TFEC: variants seen among roughly 807,000 people sequenced by gnomAD.
TFEC encodes transcription factor EC, also known as class E basic helix-loop-helix protein 34.
A neutral mutation model predicts 41.6 loss-of-function variants in TFEC; 31 were observed. That is an observed-to-expected ratio of 0.74 (90% confidence interval 0.56 to 1.01). TFEC has a LOEUF of 1.01. Ranked by LOEUF, TFEC falls within the 50% of genes least tolerant of loss-of-function variation. The pLI is 0.00. For synonymous variants in TFEC, 143 were observed against 140.6 expected, an observed-to-expected ratio of 1.02 and a Z score of -0.12; for missense variants, 402 against 404.1, an observed-to-expected ratio of 0.99 and a Z score of 0.04.
At chr7:116,148,719 G>A (rs1798693875) in intron 1 of TFEC, among the ~76,000 whole-genome samples, 1 of 152,170 alleles carries the variant, frequency 6.6e-6, no homozygotes, top group Non-Finnish European at 1.5e-5. Context: ...CTTCGGGAAT[G>A]TTGAGTTTGA....
chr7:116,077,095 A>G (rs746282863), intron 3 of TFEC, among the ~76,000 whole-genome samples: 18 of 152,226 alleles, frequency 1.2e-4, no homozygotes, highest in Admixed American at 1.1e-3. Context: ...AAACTCTACA[A>G]ACTAGAAGGG....
chr7:116,014,115 T>C (rs1010436605), intron 1 of TFEC, among the ~76,000 whole-genome samples: 1 of 152,122 alleles, frequency 6.6e-6, no homozygotes, highest in Non-Finnish European at 1.5e-5. Context: ...GTTATCTTAA[T>C]GTTTGATTTC....
At chr7:115,998,798 T>C (rs1794469773) in intron 1 of TFEC, among the ~76,000 whole-genome samples, 1 of 151,962 alleles carries the variant, frequency 6.6e-6, no homozygotes, top group African/African-American at 2.4e-5. Context: ...TAAATATATA[T>C]GTGCCCCAAA....
intron 1 of TFEC, among the ~76,000 whole-genome samples, chr7:116,139,501 TTTA>T (rs1186786911): frequency 1.8e-4 from 28 of 152,224 alleles, no homozygotes; most frequent in Admixed American, 5.9e-4. Flanking sequence ...ACACTAGAAT[TTTA>T]TTGTTATTAT....
At chr7:116,034,487 T>A (rs750725728), upstream of TFEC, among the ~76,000 whole-genome samples, 2 of 151,966 alleles carry the variant, frequency 1.3e-5, no homozygotes, top group Admixed American at 6.6e-5. Context: ...TCTCTTTCTC[T>A]ATACCCTTCA....
Position 115,954,608 on chromosome 7 carries a change from T to C in TFEC, c.417A>G (p.Gln139=). 6.2e-7 allele frequency: 1 copy of C among 1,611,932 alleles called. No homozygotes were observed. Among genetic ancestry groups the C allele is most frequent in the Non-Finnish European group, 8.5e-7 (1 of 1,178,976 alleles). Residue 139 remains glutamine, a synonymous_variant, in exon 5 of 8, where the codon CAA becomes CAG. Coordinates refer to ENST00000265440, the MANE Select transcript of TFEC (RefSeq NM_012252.4). ...TDTRALAKER[Q]KKDNHNLIER... ...CACTGAGGTTGTGGTTGTCCTTTTT[T>C]TGTCTCTCTTTTGCTAAAGCTCTAG...
rs1304630319 is a variant in TFEC, at chr7:115,936,460, C to T, written c.*4091G>A. On this transcript the variant is annotated 3_prime_UTR_variant, in exon 8 of 8. Coordinates refer to ENST00000265440, the MANE Select transcript of TFEC (RefSeq NM_012252.4). ...ATAATTAATTGATTCCAGTTTTATTCCACATCTTACACATCAGACGGTCAG... is the reference window on the plus strand; with the variant it reads ...ATAATTAATTGATTCCAGTTTTATTTCACATCTTACACATCAGACGGTCAG... 6.6e-6 allele frequency: 1 copy of T among 151,570 alleles called. No homozygotes were observed. The highest frequency in any genetic ancestry group is 1.5e-5 in the Non-Finnish European group (1 of 67,600). 9.4% of individuals were successfully genotyped at this position (151,570 alleles called of 1,614,324 possible).
At chr7:115,980,099 A>T (rs1793560166) in intron 2 of TFEC, among the ~76,000 whole-genome samples, 2 of 152,184 alleles carry the variant, frequency 1.3e-5, no homozygotes, top group Non-Finnish European at 2.9e-5. Flanking sequence ...AATGTTTTTG[A>T]TGAAACAATA....
At chr7:116,056,823 C>T (rs1270544933) in intron 3 of TFEC, among the ~76,000 whole-genome samples, 1 of 151,836 alleles carries the variant, frequency 6.6e-6, no homozygotes, top group Non-Finnish European at 1.5e-5. Flanking sequence ...TACAAAGAAA[C>T]AGGAAAATAT....
intron 3 of TFEC, among the ~76,000 whole-genome samples, chr7:116,097,075 C>T (rs375863427): frequency 4.8e-5 from 7 of 146,234 alleles, no homozygotes; most frequent in East Asian, 2.0e-4. Flanking sequence ...GGCGACAGAG[C>T]GACACTCTGT....
intron 1 of TFEC, among the ~76,000 whole-genome samples, chr7:115,999,656 A>G (rs1375736844): frequency 6.6e-6 from 1 of 151,962 alleles, no homozygotes; most frequent in Non-Finnish European, 1.5e-5. Context: ...TACAACTGAT[A>G]TCACAGACAT....
chr7:116,004,183 C>T (rs1183937080), intron 1 of TFEC, among the ~76,000 whole-genome samples: 1 of 151,840 alleles, frequency 6.6e-6, no homozygotes, highest in Non-Finnish European at 1.5e-5. Flanking sequence ...GTTAACTAAA[C>T]CTAAATATGA....
At chr7:116,097,924 A>G (rs551459646) in intron 3 of TFEC, among the ~76,000 whole-genome samples, 25 of 152,340 alleles carry the variant, frequency 1.6e-4, no homozygotes, top group African/African-American at 5.8e-4. Flanking sequence ...CAGAAAAGGG[A>G]AATCAAAGAA....
At chr7:116,041,216 A>G (rs1796030172) in intron 3 of TFEC, among the ~76,000 whole-genome samples, 1 of 152,088 alleles carries the variant, frequency 6.6e-6, no homozygotes, top group Admixed American at 6.6e-5. Context: ...ATTTATATGT[A>G]TTGCATTTCC....
intron 1 of TFEC, among the ~76,000 whole-genome samples, chr7:116,127,691 CAA>C (rs72053152): frequency 0.14 from 14,551 of 104,900 alleles, 728 homozygotes; most frequent in African/African-American, 0.18. Context: ...GAGTCAGTGT[CAA>C]AAAAAAAAAA....
intron 2 of TFEC, among the ~76,000 whole-genome samples, chr7:115,977,001 A>G (rs1419707994): frequency 1.3e-5 from 2 of 152,084 alleles, no homozygotes; most frequent in Non-Finnish European, 2.9e-5. Flanking sequence ...TAACACTACT[A>G]TCCCTCATTT....
At chr7:116,143,349 T>C (rs1429609139) in intron 1 of TFEC, among the ~76,000 whole-genome samples, 1 of 152,156 alleles carries the variant, frequency 6.6e-6, no homozygotes, top group African/African-American at 2.4e-5. Context: ...GAGATCTTTT[T>C]GATACAGAAG....
At position 116,052,234 on chromosome 7, in the gene TFEC, A is replaced by G. The variant is rs146242775; in HGVS notation, c.198+58474T>C. Among the ~76,000 whole-genome samples the G allele has an allele frequency of 8.5e-5, 13 of 152,208 alleles. No homozygotes were observed. The East Asian group carries it at 2.5e-3, about 29-fold the overall frequency. On this transcript the variant is annotated intron_variant, in intron 3 of 8. Transcript: ENST00000484212. ...TGTGAGTCAGTGGATTTTAGTAAAAATAAGAAATTCTCATCTTGCAAATCT... is the reference window on the plus strand; with the variant it reads ...TGTGAGTCAGTGGATTTTAGTAAAAGTAAGAAATTCTCATCTTGCAAATCT...
chr7:116,147,839 C>G (rs1798675244), intron 1 of TFEC, among the ~76,000 whole-genome samples: 1 of 152,104 alleles, frequency 6.6e-6, no homozygotes, highest in South Asian at 2.1e-4. Flanking sequence ...ATATTATGTA[C>G]TTACTATGTG....
Sources: gnomAD v4.1 joint callset for allele counts (sites outside exome capture counted in the v4.1 genomes callset) on GRCh38, gnomAD v4.1.1 for gene constraint, MANE v1.5 for transcripts, NCBI Gene and HGNC (gene_info 2026-07-23, HGNC 2026-07-21) for gene names.